Variants in CDK14 observed in about 807,000 individuals in gnomAD.
CDK14 encodes cyclin-dependent kinase 14.
In CDK14, 34 loss-of-function variants were observed where a neutral mutation model predicts 60.7. The observed-to-expected ratio is 0.56, with a 90% CI of 0.43 to 0.75. The LOEUF (loss-of-function observed/expected upper bound fraction) is 0.75. Ranked by LOEUF, CDK14 falls within the 30% of genes least tolerant of loss-of-function variation. The pLI is 0.00. For synonymous variants in CDK14, 197 were observed against 203.7 expected, an observed-to-expected ratio of 0.97 and a Z score of 0.28; for missense variants, 482 against 564.1, an observed-to-expected ratio of 0.85 and a Z score of 1.47.
At chr7:90,874,503 CTTTTTTTTTTTTTTTTTTTTTTTTTTT>C (rs747439482) in intron 6 of CDK14, among the ~76,000 whole-genome samples, 1,087 of 48,040 alleles carry the variant, frequency 0.023, 39 homozygotes, top group African/African-American at 0.072. Context: ...TCCTTTCATC[CTTTTTTTTTTTTTTTTTTTTTTTTTTT>C]TTTTTTTTTG....
At chr7:90,670,714 G>A (rs1385475947) in intron 2 of CDK14, among the ~76,000 whole-genome samples, 1 of 152,088 alleles carries the variant, frequency 6.6e-6, no homozygotes, top group Admixed American at 6.5e-5. Context: ...TCACTGTCAT[G>A]AGGACAGCAC....
intron 13 of CDK14, among the ~76,000 whole-genome samples, chr7:91,112,971 T>C (rs568240611): frequency 6.6e-6 from 1 of 152,244 alleles, no homozygotes; most frequent in South Asian, 2.1e-4. Flanking sequence ...GGATTCCTTT[T>C]TTGCTATCTC....
chr7:91,182,765 G>C (rs1206242727), intron 14 of CDK14, among the ~76,000 whole-genome samples: 1 of 152,096 alleles, frequency 6.6e-6, no homozygotes, highest in African/African-American at 2.4e-5. Flanking sequence ...TGAATGGAAA[G>C]CACTTTTTCT....
chr7:91,020,402 A>G (rs760142698), intron 10 of CDK14, among the ~76,000 whole-genome samples: 1 of 152,218 alleles, frequency 6.6e-6, no homozygotes, highest in Non-Finnish European at 1.5e-5. Context: ...GCATTGTCCT[A>G]GGTAATGAGA....
At chr7:90,963,837 T>G (rs1169536587) in intron 9 of CDK14, among the ~76,000 whole-genome samples, 2 of 149,628 alleles carry the variant, frequency 1.3e-5, no homozygotes, top group Non-Finnish European at 3.0e-5. Flanking sequence ...TGCCTCAGCC[T>G]CCTGACTAGC....
intron 14 of CDK14, among the ~76,000 whole-genome samples, chr7:91,143,269 C>T (rs899767228): frequency 3.9e-5 from 6 of 152,152 alleles, no homozygotes; most frequent in African/African-American, 1.4e-4. Context: ...GAGTGGGTAC[C>T]TGTGTCCTGC....
chr7:90,608,829 C>T (rs959589160), intron 2 of CDK14, among the ~76,000 whole-genome samples: 2 of 151,716 alleles, frequency 1.3e-5, no homozygotes, highest in Non-Finnish European at 2.9e-5. Flanking sequence ...GTATACAAAG[C>T]GTATAAAATT....
chr7:90,734,385 A>G (rs111727398), intron 3 of CDK14, among the ~76,000 whole-genome samples: 11 of 152,092 alleles, frequency 7.2e-5, no homozygotes, highest in African/African-American at 2.4e-4. Context: ...GTTCTCCTGG[A>G]TGATATCCTG....
rs1324365214 is a variant in CDK14, at chr7:91,112,536, T to G, written c.1155-6T>G. The G allele has an allele frequency of 6.2e-7, 1 of 1,610,544 alleles. No homozygotes were observed. The highest frequency in any genetic ancestry group is 8.5e-7 in the Non-Finnish European group (1 of 1,177,498). On this transcript the variant is annotated splice_polypyrimidine_tract_variant and splice_region_variant and intron_variant, in intron 12 of 14. Coordinates refer to ENST00000380050, the MANE Select transcript of CDK14 (RefSeq NM_001287135.2). ...TCTGACCTCTCTTTTTTGCTCATGT[T>G]TTTAGGCTCAGCTATGTGAACCATG...
rs879616551 is a variant in CDK14, at chr7:90,660,097, G to C, written c.123+55848G>C. Among the ~76,000 whole-genome samples, 7 of 152,170 alleles carry C rather than the reference G, an allele frequency of 4.6e-5. No homozygotes were observed. The South Asian group carries it at 1.5e-3, about 32-fold the overall frequency. On this transcript the variant is annotated intron_variant, in intron 2 of 14. Coordinates refer to ENST00000380050, the MANE Select transcript of CDK14 (RefSeq NM_001287135.2). Reference sequence around the variant, plus strand: ...TTTGACCTATTTTGGAGAAGATAATGGTTTACAGTGCTTCTGTAATGAAGG... The same window carrying C: ...TTTGACCTATTTTGGAGAAGATAATCGTTTACAGTGCTTCTGTAATGAAGG...
At chr7:91,100,869 T>C (rs1799129854) in intron 12 of CDK14, among the ~76,000 whole-genome samples, 1 of 152,216 alleles carries the variant, frequency 6.6e-6, no homozygotes, top group Non-Finnish European at 1.5e-5. Context: ...TTCAAAAACT[T>C]GATTCATTTC....
At chr7:90,640,670 A>G (rs905695013) in intron 2 of CDK14, among the ~76,000 whole-genome samples, 8 of 152,134 alleles carry the variant, frequency 5.3e-5, no homozygotes, top group African/African-American at 1.7e-4. Context: ...TAAGAAAGTG[A>G]AAAGATAGGC....
chr7:91,174,158 T>G (rs369174122), intron 14 of CDK14, among the ~76,000 whole-genome samples: 1 of 151,750 alleles, frequency 6.6e-6, no homozygotes. Flanking sequence ...CCCTGACCCC[T>G]GAGCAGCCTA....
chr7:90,815,648 C>T (rs1161276283), intron 5 of CDK14, among the ~76,000 whole-genome samples: 1 of 152,148 alleles, frequency 6.6e-6, no homozygotes, highest in Non-Finnish European at 1.5e-5. Flanking sequence ...TTCACAATAG[C>T]AAAGACTTGG....
intron 8 of CDK14, among the ~76,000 whole-genome samples, chr7:90,937,901 A>G (rs1584144190): frequency 6.6e-6 from 1 of 152,224 alleles, no homozygotes; most frequent in East Asian, 1.9e-4. Context: ...ATAATTTGTA[A>G]TATTATAATT....
chr7:90,990,132 A>T (rs564678670), intron 10 of CDK14, among the ~76,000 whole-genome samples: 1 of 152,198 alleles, frequency 6.6e-6, no homozygotes, highest in Admixed American at 6.5e-5. Flanking sequence ...AAAATAATAC[A>T]GTACAGTGTG....
intron 14 of CDK14, among the ~76,000 whole-genome samples, chr7:91,131,670 T>C (rs1800122880): frequency 6.6e-6 from 1 of 152,128 alleles, no homozygotes; most frequent in African/African-American, 2.4e-5. Context: ...GGATCAGTGA[T>C]AGAATTTATA....
intron 14 of CDK14, among the ~76,000 whole-genome samples, chr7:91,143,034 A>G (rs899589164): frequency 6.6e-6 from 1 of 152,210 alleles, no homozygotes; most frequent in Non-Finnish European, 1.5e-5. Flanking sequence ...TTATATAAAT[A>G]TAAATAAAGT....
At chr7:90,823,070 A>G (rs1392487834) in intron 5 of CDK14, among the ~76,000 whole-genome samples, 1 of 152,194 alleles carries the variant, frequency 6.6e-6, no homozygotes, top group Non-Finnish European at 1.5e-5. Context: ...TTAGGAGATA[A>G]TAGAAATAGA....
Sources: allele counts gnomAD v4.1 joint callset (sites outside exome capture counted in the v4.1 genomes callset), GRCh38; gene constraint gnomAD v4.1.1; transcripts MANE v1.5; gene names NCBI Gene and HGNC (gene_info 2026-07-23, HGNC 2026-07-21).